The following LDLRAP1 variants were observed in gnomAD, a reference collection of about 807,000 sequenced individuals.
LDLRAP1 encodes the protein low density lipoprotein receptor adapter protein 1.
In LDLRAP1, 30 loss-of-function variants were observed where a neutral mutation model predicts 37.8. The ratio of observed to expected loss-of-function variants is 0.79; its 90% confidence interval spans 0.59 to 1.08. The LOEUF (loss-of-function observed/expected upper bound fraction) is 1.08, where lower values mean the gene tolerates loss of function less well. LDLRAP1 is among the 50% of genes least tolerant of loss of function. The pLI is 0.00. For missense variants in LDLRAP1, 375 were observed against 401.6 expected, an observed-to-expected ratio of 0.93 and a Z score of 0.57; for synonymous variants, 156 against 169.8, an observed-to-expected ratio of 0.92 and a Z score of 0.63.
the LDLRAP1 span, among the ~76,000 whole-genome samples, chr1:25,583,702 G>A: frequency 2.6e-3 from 395 of 151,804 alleles, 2 homozygotes; most frequent in African/African-American, 9.0e-3. Context: ...TCTCTTTCTG[G>A]TATGCCCATT....
At chr1:25,587,104 T>G in the LDLRAP1 span, among the ~76,000 whole-genome samples, 11 of 152,320 alleles carry the variant, frequency 7.2e-5, no homozygotes, top group East Asian at 2.1e-3. Context: ...AACTAAACCT[T>G]GACTCCGATC....
chr1:25,577,654 G>A, the LDLRAP1 span, among the ~76,000 whole-genome samples: 1 of 152,344 alleles, frequency 6.6e-6, no homozygotes, highest in East Asian at 1.9e-4. Context: ...AGGTGTGAGG[G>A]AAGGCGGAGC....
chr1:25,566,699 T>C lies in LDLRAP1; in HGVS notation c.783-149T>C, dbSNP rs931313431. On this transcript the variant is annotated intron_variant, in intron 8 of 8. Transcript: ENST00000374338. ...GTTTGACTCTCAAGGGGAGGTGCTTTGATCTGAGGTTACTCCACCTCCCCT... is the reference window on the plus strand; with the variant it reads ...GTTTGACTCTCAAGGGGAGGTGCTTCGATCTGAGGTTACTCCACCTCCCCT... The C allele has an allele frequency of 5.4e-6, 5 of 928,962 alleles. No individual in the cohort carries two copies. In the African/African-American group the frequency reaches 8.2e-5, roughly 15 times the overall value. 57.5% of individuals were successfully genotyped at this position (928,962 alleles called of 1,614,324 possible).
At chr1:25,551,017 G>A (rs947769926) in intron 1 of LDLRAP1, among the ~76,000 whole-genome samples, 4 of 152,162 alleles carry the variant, frequency 2.6e-5, no homozygotes, top group African/African-American at 9.7e-5. Context: ...AATGGGGGCT[G>A]GAGAGGGAGA....
At chr1:25,559,782 G>C (rs1208065451) in intron 4 of LDLRAP1, among the ~76,000 whole-genome samples, 2 of 152,306 alleles carry the variant, frequency 1.3e-5, no homozygotes, top group South Asian at 2.1e-4. Flanking sequence ...AAGTGTTCTT[G>C]GGGGAGGCAG....
At position 25,562,666 on chromosome 1, in the gene LDLRAP1, T is replaced by A; in HGVS notation, c.482T>A (p.Val161Glu). 6.2e-7 allele frequency: 1 copy of A among 1,614,232 alleles called. No homozygotes were observed. Among genetic ancestry groups the A allele is most frequent in the Non-Finnish European group, 8.5e-7 (1 of 1,180,036 alleles). Residue 161 changes from valine to glutamate, a missense_variant, in exon 5 of 9, where the codon GTA becomes GAA. By Grantham distance (121) the Val-to-Glu change is moderately radical. Coordinates refer to ENST00000374338, the MANE Select transcript of LDLRAP1 (RefSeq NM_015627.3). Reference sequence around the variant, plus strand: ...CAGGCACAGGCTGTTACCCTCACCGTAGCCCAGGCCTTCAAAGTCGCCTTT... The same window carrying A: ...CAGGCACAGGCTGTTACCCTCACCGAAGCCCAGGCCTTCAAAGTCGCCTTT... ...RKMAQAVTLT[V>E]AQAFKVAFEF...
chr1:25,567,293 C>T lies in LDLRAP1; in HGVS notation c.*301C>T, dbSNP rs552594481. On this transcript the variant is annotated 3_prime_UTR_variant, in exon 9 of 9. Coordinates refer to ENST00000374338, the MANE Select transcript of LDLRAP1 (RefSeq NM_015627.3). ...GACATGTGCAGTGCTGTAATCGGCTCCCGCTTGCTCTCCTGGAGCAAGCTC... is the reference window on the plus strand; with the variant it reads ...GACATGTGCAGTGCTGTAATCGGCTTCCGCTTGCTCTCCTGGAGCAAGCTC... 1.2e-4 allele frequency: 54 copies of T among 451,348 alleles called. No individual in the cohort carries two copies. Among genetic ancestry groups the T allele is most frequent in the African/African-American group, 1.0e-3 (52 of 50,352 alleles). 28.0% of individuals were successfully genotyped at this position (451,348 alleles called of 1,614,324 possible). A position where few individuals can be genotyped will look rare whatever the true frequency, so the allele number is the denominator to read the frequency against.
chr1:25,563,874 T>C, intron 7 of LDLRAP1, 83 bp downstream of exon 7: 2 of 1,582,858 alleles, frequency 1.3e-6, no homozygotes, highest in Non-Finnish European at 1.7e-6. Context: ...GACCAGGCCC[T>C]GGGACCCGTG....
the LDLRAP1 span, among the ~76,000 whole-genome samples, chr1:25,578,835 T>C: frequency 6.6e-6 from 1 of 152,180 alleles, no homozygotes; most frequent in Non-Finnish European, 1.5e-5. Context: ...ATTTATCTTT[T>C]AAAGAATATA....
chr1:25,578,505 C>T, the LDLRAP1 span, among the ~76,000 whole-genome samples: 22 of 152,056 alleles, frequency 1.4e-4, no homozygotes, highest in African/African-American at 3.4e-4. Flanking sequence ...GGACTAGGAT[C>T]GTTTGTCTTT....
At chr1:25,570,881 A>C (rs903197680), downstream of LDLRAP1, among the ~76,000 whole-genome samples, 5 of 152,228 alleles carry the variant, frequency 3.3e-5, no homozygotes, top group Non-Finnish European at 1.5e-5. Context: ...AAAATAAAGT[A>C]ACCCTTGGGC....
At chr1:25,586,248 G>T in the LDLRAP1 span, among the ~76,000 whole-genome samples, 1 of 151,942 alleles carries the variant, frequency 6.6e-6, no homozygotes. This position sits in a 1 kb window ranked among gnomAD's most constrained non-coding sequence, Gnocchi z 4.3. Flanking sequence ...AAGAGAAAGC[G>T]CGACCAAGAA....
the LDLRAP1 span, among the ~76,000 whole-genome samples, chr1:25,577,858 G>T: frequency 2.0e-5 from 3 of 152,234 alleles, no homozygotes; most frequent in Non-Finnish European, 4.4e-5. Flanking sequence ...GAGAGGAGCT[G>T]CAGAGAGCAC....
intron 1 of LDLRAP1, among the ~76,000 whole-genome samples, chr1:25,552,241 A>G (rs72873732): frequency 0.18 from 26,985 of 152,170 alleles, 5,371 homozygotes; most frequent in African/African-American, 0.5. Context: ...GAACTCCAGA[A>G]CCAAGCTGAG....
the LDLRAP1 span, among the ~76,000 whole-genome samples, chr1:25,578,064 T>C: frequency 6.6e-6 from 1 of 152,170 alleles, no homozygotes. Flanking sequence ...ATTTGCTCTT[T>C]CCTCATTCCC....
At chr1:25,589,228 T>C in the LDLRAP1 span, among the ~76,000 whole-genome samples, 16 of 151,938 alleles carry the variant, frequency 1.1e-4, 4 homozygotes, top group Admixed American at 1.1e-3. Flanking sequence ...TGCTTGAACC[T>C]GGGAGGTGGA....
chr1:25,562,683 G>T lies in LDLRAP1; in HGVS notation c.499G>T (p.Val167Phe). The T allele has an allele frequency of 6.2e-7, 1 of 1,614,208 alleles. No individual in the cohort carries two copies. Among genetic ancestry groups the T allele is most frequent in the Non-Finnish European group, 8.5e-7 (1 of 1,180,024 alleles). Residue 167 changes from valine (V) to phenylalanine (F), a missense_variant, in exon 5 of 9, where the codon GTC becomes TTC. Transcript: ENST00000374338. ...VTLTVAQAFK[V>F]AFEFWQVSKE... The stretch of plus-strand genomic sequence containing the variant: ...CCTCACCGTAGCCCAGGCCTTCAAA[G>T]TCGCCTTTGAGTTTTGGCAGGTGTC...
At chr1:25,570,585 C>T (rs2044590894), downstream of LDLRAP1, among the ~76,000 whole-genome samples, 1 of 152,116 alleles carries the variant, frequency 6.6e-6, no homozygotes, top group Non-Finnish European at 1.5e-5. Flanking sequence ...CCCGGCCGGG[C>T]GCAGTGGCTC....
At chr1:25,576,400 C>T in the LDLRAP1 span, among the ~76,000 whole-genome samples, 1 of 152,150 alleles carries the variant, frequency 6.6e-6, no homozygotes, top group Non-Finnish European at 1.5e-5. Flanking sequence ...GTGGCACATG[C>T]CTGTAATCGC....
Sources: allele counts gnomAD v4.1 joint callset (sites outside exome capture counted in the v4.1 genomes callset), GRCh38; gene constraint gnomAD v4.1.1; non-coding constraint Gnocchi (gnomAD v3.1); transcripts MANE v1.5; gene names NCBI Gene and HGNC (gene_info 2026-07-23, HGNC 2026-07-21).